GABRB3: variants seen among roughly 807,000 people sequenced by gnomAD.
GABRB3 encodes gamma-aminobutyric acid receptor subunit beta-3.
GABRB3 carries 14 observed loss-of-function variants against 52.1 expected under a neutral mutation model. The ratio of observed to expected loss-of-function variants is 0.27; its 90% CI spans 0.18 to 0.42. The LOEUF (loss-of-function observed/expected upper bound fraction) is 0.42, where lower values mean the gene tolerates loss of function less well. Ranked by LOEUF, GABRB3 falls within the 10% of genes least tolerant of loss-of-function variation. GABRB3 has a pLI of 1.00. For missense variants in GABRB3, 307 were observed against 609.1 expected, an observed-to-expected ratio of 0.50 and a Z score of 5.22; for synonymous variants, 260 against 232.3, an observed-to-expected ratio of 1.12 and a Z score of -1.08.
chr15:26,740,970 A>C (rs1890189916), intron 3 of GABRB3, among the ~76,000 whole-genome samples: 1 of 152,066 alleles, frequency 6.6e-6, no homozygotes, highest in Non-Finnish European at 1.5e-5. Context: ...TCAGAATTTC[A>C]GATGGGCCAG....
At chr15:26,549,810 C>A (rs1889391097) in intron 8 of GABRB3, among the ~76,000 whole-genome samples, 2 of 152,112 alleles carry the variant, frequency 1.3e-5, no homozygotes, top group Non-Finnish European at 1.5e-5. Context: ...TCAGAACACG[C>A]CTCATTACCC....
At chr15:26,671,086 A>G (rs1323595929) in intron 3 of GABRB3, among the ~76,000 whole-genome samples, 1 of 152,126 alleles carries the variant, frequency 6.6e-6, no homozygotes, top group African/African-American at 2.4e-5. Context: ...GCCCTACGCC[A>G]CTTAAGGAAG....
At chr15:26,677,467 GCCT>G (rs1377276526) in intron 3 of GABRB3, among the ~76,000 whole-genome samples, 1 of 152,078 alleles carries the variant, frequency 6.6e-6, no homozygotes, top group Non-Finnish European at 1.5e-5. Flanking sequence ...AAGGGCTCTG[GCCT>G]CCTCTTGGCC....
chr15:26,705,729 G>A (rs1338775122), intron 3 of GABRB3, among the ~76,000 whole-genome samples: 2 of 152,186 alleles, frequency 1.3e-5, no homozygotes, highest in Non-Finnish European at 2.9e-5. Flanking sequence ...AGAGAGGAAG[G>A]AATTATGAAG....
chr15:26,630,243 C>T (rs1892875782), intron 3 of GABRB3, among the ~76,000 whole-genome samples: 1 of 152,192 alleles, frequency 6.6e-6, no homozygotes, highest in African/African-American at 2.4e-5. Flanking sequence ...CCCTCTGTAC[C>T]TGAAACAGCT....
chr15:26,758,904 A>G (rs779221937), intron 3 of GABRB3, among the ~76,000 whole-genome samples: 27 of 152,230 alleles, frequency 1.8e-4, no homozygotes, highest in Non-Finnish European at 3.5e-4. Context: ...CCACACAAAC[A>G]CTAAATCCAT....
intron 3 of GABRB3, among the ~76,000 whole-genome samples, chr15:26,645,084 A>C (rs1174332268): frequency 1.3e-5 from 2 of 152,162 alleles, no homozygotes; most frequent in African/African-American, 2.4e-5. Flanking sequence ...GTCTACAAAA[A>C]TGTGTAACGT....
chr15:26,743,176 C>T (rs1890255700), intron 3 of GABRB3, among the ~76,000 whole-genome samples: 1 of 152,142 alleles, frequency 6.6e-6, no homozygotes, highest in Non-Finnish European at 1.5e-5. Flanking sequence ...GATCCACCTG[C>T]CTCGGCCTCC....
At chr15:26,601,374 C>G (rs772285839) in intron 4 of GABRB3, among the ~76,000 whole-genome samples, 22 of 151,812 alleles carry the variant, frequency 1.4e-4, no homozygotes, top group Middle Eastern at 3.4e-3. Flanking sequence ...CGCGCCACTG[C>G]TCTCCAGCCT....
intron 3 of GABRB3, chr15:26,771,766 C>T (rs1891150712): frequency 6.6e-6 from 1 of 152,346 alleles, no homozygotes; most frequent in Non-Finnish European, 1.5e-5. Context: ...GGTAGAGCGG[C>T]TCCTCTGAGA....
At chr15:26,659,476 C>A (rs908745341) in intron 3 of GABRB3, among the ~76,000 whole-genome samples, 2 of 152,024 alleles carry the variant, frequency 1.3e-5, no homozygotes, top group African/African-American at 4.8e-5. Context: ...GAGCCAAGAT[C>A]GTGCCACTGC....
At chr15:26,629,056 G>A (rs1461697537) in intron 3 of GABRB3, 2 of 1,536,110 alleles carry the variant, frequency 1.3e-6, no homozygotes, top group Admixed American at 2.0e-5. Flanking sequence ...CAAAGACTCC[G>A]AGAGCCTCCG....
At chr15:26,572,298 G>T (rs1441549543) in intron 6 of GABRB3, among the ~76,000 whole-genome samples, 1 of 152,172 alleles carries the variant, frequency 6.6e-6, no homozygotes, top group African/African-American at 2.4e-5. Flanking sequence ...AATATGCTAG[G>T]GCACACGCCT....
chr15:26,743,286 G>A (rs1829661444), intron 3 of GABRB3, among the ~76,000 whole-genome samples: 1 of 152,070 alleles, frequency 6.6e-6, no homozygotes, highest in African/African-American at 2.4e-5. Context: ...CTTTTCTTCT[G>A]CCTCCCATCT....
At chr15:26,632,297 C>T (rs916927638) in intron 3 of GABRB3, among the ~76,000 whole-genome samples, 2 of 152,274 alleles carry the variant, frequency 1.3e-5, no homozygotes, top group Middle Eastern at 3.4e-3. Flanking sequence ...TTATACCTGC[C>T]GAAAGGCAGA....
chr15:26,699,891 CA>C (rs58136683), intron 3 of GABRB3, among the ~76,000 whole-genome samples: 70 of 144,732 alleles, frequency 4.8e-4, no homozygotes, highest in African/African-American at 1.5e-3. Flanking sequence ...TCTATTTTTT[CA>C]AAAAAAAAAG....
intron 3 of GABRB3, among the ~76,000 whole-genome samples, chr15:26,734,023 C>CTT (rs61468831): frequency 1.9e-3 from 140 of 73,360 alleles, no homozygotes; most frequent in Middle Eastern, 0.011. Flanking sequence ...AACTATAGGG[C>CTT]TTTTTTTTTT....
At chr15:26,724,002 T>C (rs961182530) in intron 3 of GABRB3, among the ~76,000 whole-genome samples, 1 of 152,190 alleles carries the variant, frequency 6.6e-6, no homozygotes, top group Non-Finnish European at 1.5e-5. Flanking sequence ...TGTGGACAGA[T>C]TCCTTTTTGG....
At chr15:26,661,129 T>G (rs1887528781) in intron 3 of GABRB3, among the ~76,000 whole-genome samples, 1 of 152,058 alleles carries the variant, frequency 6.6e-6, no homozygotes, top group Non-Finnish European at 1.5e-5. Context: ...TCACTGACAA[T>G]TAGTGTAGGT....
Sources: gnomAD v4.1 joint callset for allele counts (sites outside exome capture counted in the v4.1 genomes callset) on GRCh38, gnomAD v4.1.1 for gene constraint, MANE v1.5 for transcripts, NCBI Gene and HGNC (gene_info 2026-07-23, HGNC 2026-07-21) for gene names.